ARHGAP8: variants seen among roughly 807,000 people sequenced by gnomAD.
ARHGAP8 encodes Rho GTPase activating protein 8, also known as rho GTPase-activating protein 8.
In ARHGAP8, 62 loss-of-function variants were observed where a neutral mutation model predicts 46.1. That is an observed-to-expected ratio of 1.34 (90% confidence interval 1.10 to 1.66). ARHGAP8 has a LOEUF of 1.66. ARHGAP8 is among the 40% of genes most tolerant of loss of function. The probability of loss-of-function intolerance (pLI) is 0.00; values close to 1 mark genes in which losing one functional copy is unlikely to be tolerated. For missense variants in ARHGAP8, 923 were observed against 568.4 expected, an observed-to-expected ratio of 1.62 and a Z score of -6.34; for synonymous variants, 375 against 243.1, an observed-to-expected ratio of 1.54 and a Z score of -5.05.
rs761367568 is a variant in ARHGAP8 at position 44,848,993 on chromosome 22, C to G, written c.810C>G (p.Thr270=). The change falls in exon 10 of 12, where the codon ACC becomes ACG. Residue 270 remains threonine, a synonymous_variant. Transcript: ENST00000356099. ...ACATCCCTGCCGTGATCCTGAAGAC[C>G]TTCCTGCGAGAGCTGCCCCAGCCGC... ...DIHIPAVILK[T]FLRELPQPLL... is the part of the protein sequence containing the mutation. 6 of 1,614,126 alleles carry G rather than the reference C, an allele frequency of 3.7e-6. No homozygotes were observed. The South Asian group carries it at 6.6e-5, about 18-fold the overall frequency.
At chr22:44,756,309 C>T (rs1305034767) in intron 1 of ARHGAP8, among the ~76,000 whole-genome samples, 1 of 152,138 alleles carries the variant, frequency 6.6e-6, no homozygotes, top group Non-Finnish European at 1.5e-5. Context: ...TTTGTTATCA[C>T]AGGAAAGGTT....
intron 7 of ARHGAP8, among the ~76,000 whole-genome samples, chr22:44,825,877 G>T (rs1418340524): frequency 7.4e-6 from 1 of 135,656 alleles, no homozygotes; most frequent in Non-Finnish European, 1.6e-5. Flanking sequence ...CTGGTTGGGG[G>T]GCGCGTGCTT....
chr22:44,823,349 T>G (rs1169529187), intron 6 of ARHGAP8, among the ~76,000 whole-genome samples: 1 of 151,984 alleles, frequency 6.6e-6, no homozygotes, highest in Non-Finnish European at 1.5e-5. Context: ...GCTCTTAAAG[T>G]GAGTTTCACA....
intron 2 of ARHGAP8, chr22:44,801,752 A>C (rs1024505954): frequency 3.2e-6 from 1 of 312,952 alleles, no homozygotes. Context: ...CTGCCTTTGA[A>C]GTCAGATGCG....
chr22:44,760,112 G>A (rs772208141), intron 1 of ARHGAP8, among the ~76,000 whole-genome samples: 46 of 152,210 alleles, frequency 3.0e-4, no homozygotes, highest in Admixed American at 7.2e-4. Context: ...TTTGGACTTC[G>A]CTGCCGCCAC....
chr22:44,848,172 T>C, intron 9 of ARHGAP8, 122 bp downstream of exon 9: 1 of 1,386,752 alleles, frequency 7.2e-7, no homozygotes, highest in South Asian at 1.3e-5. Context: ...CAGAAAACAC[T>C]CAGGGTGGGG....
At chr22:44,809,105 GC>G (rs1277035141) in intron 4 of ARHGAP8, 7 of 470,584 alleles carry the variant, frequency 1.5e-5, no homozygotes, top group South Asian at 9.3e-5. Flanking sequence ...ACAGGCAGGA[GC>G]CACCATGCCA....
At chr22:44,794,838 G>T (rs894312158) in intron 2 of ARHGAP8, among the ~76,000 whole-genome samples, 4 of 152,018 alleles carry the variant, frequency 2.6e-5, no homozygotes, top group Non-Finnish European at 5.9e-5. Context: ...AAGCTTATGA[G>T]ATCTGAATAA....
intron 11 of ARHGAP8, among the ~76,000 whole-genome samples, 186 bp downstream of exon 11, chr22:44,860,020 C>T (rs978128541): frequency 5.3e-5 from 2 of 37,636 alleles, no homozygotes; most frequent in Admixed American, 4.3e-4. Context: ...CTGCTGCGGA[C>T]CTCCTGCCTG....
intron 7 of ARHGAP8, among the ~76,000 whole-genome samples, chr22:44,837,285 C>T (rs367665411): frequency 6.6e-6 from 1 of 152,164 alleles, no homozygotes; most frequent in African/African-American, 2.4e-5. Flanking sequence ...GCACATCTCC[C>T]GAGGGGAGGG....
chr22:44,848,098 C>T (rs982368405), intron 9 of ARHGAP8, 48 bp downstream of exon 9: 8 of 1,597,544 alleles, frequency 5.0e-6, no homozygotes, highest in South Asian at 1.1e-5. Context: ...GGTCAGCGAG[C>T]ACAGCGCTCC....
At chr22:44,852,189 C>CAAA (rs58207915) in intron 10 of ARHGAP8, among the ~76,000 whole-genome samples, 2 of 76,032 alleles carry the variant, frequency 2.6e-5, no homozygotes, top group African/African-American at 6.1e-5. Flanking sequence ...GAGACTTTGT[C>CAAA]AAAAAAAAAA....
intron 1 of ARHGAP8, among the ~76,000 whole-genome samples, chr22:44,758,235 G>C (rs1207592711): frequency 6.6e-6 from 1 of 152,144 alleles, no homozygotes; most frequent in African/African-American, 2.4e-5. Context: ...CAGATCACAA[G>C]GTCAGGAGAT....
rs149211831 is a variant in ARHGAP8, at chr22:44,790,601, G to A, written c.79+3995G>A. 4.5e-3 allele frequency among the ~76,000 whole-genome samples: 669 copies of A among 148,870 alleles called. 4 individuals carry two copies. The highest frequency in any genetic ancestry group is 0.016 in the African/African-American group (637 of 40,224). On this transcript the variant is annotated intron_variant, in intron 2 of 11. Coordinates refer to ENST00000356099, the MANE Select transcript of ARHGAP8 (RefSeq NM_181335.3). ...TGAAACAGGAGAATCGCTTGAACCC[G>A]GGAGACCGAGGTTGCAGTGAGCCAA...
intron 11 of ARHGAP8, 76 bp from the exon 12 acceptor site, chr22:44,862,199 T>G: frequency 6.6e-7 from 1 of 1,512,944 alleles, no homozygotes; most frequent in Non-Finnish European, 8.9e-7. Context: ...CGCCTCTCCC[T>G]AAGTTCGGGA....
intron 1 of ARHGAP8, among the ~76,000 whole-genome samples, chr22:44,781,396 A>G (rs1391442525): frequency 6.6e-6 from 1 of 152,168 alleles, no homozygotes; most frequent in African/African-American, 2.4e-5. Context: ...TATGAGGTTC[A>G]AGTGTGGGCT....
intron 7 of ARHGAP8, among the ~76,000 whole-genome samples, chr22:44,829,000 C>A (rs1189864315): frequency 6.6e-6 from 1 of 150,814 alleles, no homozygotes; most frequent in East Asian, 2.0e-4. Context: ...AGCCCGGGTG[C>A]GGTGGCTCAT....
intron 7 of ARHGAP8, among the ~76,000 whole-genome samples, chr22:44,839,548 G>A (rs136671): frequency 0.021 from 3,272 of 152,294 alleles, 42 homozygotes; most frequent in Non-Finnish European, 0.033. Flanking sequence ...AGCCCAGCAG[G>A]AGGAGCAGAG....
chr22:44,804,811 C>G (rs559530885), intron 3 of ARHGAP8, among the ~76,000 whole-genome samples: 5 of 152,322 alleles, frequency 3.3e-5, no homozygotes, highest in African/African-American at 1.2e-4. Context: ...TGCATTCTAT[C>G]TGGTCTGTTA....
Sources: allele counts gnomAD v4.1 joint callset (sites outside exome capture counted in the v4.1 genomes callset), GRCh38; gene constraint gnomAD v4.1.1; transcripts MANE v1.5; gene names NCBI Gene and HGNC (gene_info 2026-07-23, HGNC 2026-07-21).